GLI3: variants seen among roughly 807,000 people sequenced by gnomAD.
GLI3 encodes the protein GLI family zinc finger 3.
In GLI3, 20 loss-of-function variants were observed where a neutral mutation model predicts 100.8. The observed-to-expected ratio is 0.20, with a 90% CI of 0.14 to 0.29. The LOEUF (loss-of-function observed/expected upper bound fraction) is 0.29, where lower values mean the gene tolerates loss of function less well. Ranked by LOEUF, GLI3 falls within the 10% of genes least tolerant of loss-of-function variation. The pLI, the probability that GLI3 is intolerant of heterozygous loss-of-function variation, is 1.00. For missense variants in GLI3, 2,040 were observed against 2,128.5 expected (o/e 0.96, Z 0.82); for synonymous variants, 938 against 860.5 (o/e 1.09, Z -1.58).
chr7:42,074,503 C>T (rs1026550652), intron 4 of GLI3, among the ~76,000 whole-genome samples: 4 of 152,182 alleles, frequency 2.6e-5, no homozygotes, highest in African/African-American at 4.8e-5. Flanking sequence ...AAGCTACATG[C>T]GAGTCTCTGG....
At chr7:42,224,757 G>C (rs147511639) in intron 1 of GLI3, among the ~76,000 whole-genome samples, 3 of 152,322 alleles carry the variant, frequency 2.0e-5, no homozygotes, top group African/African-American at 4.8e-5. Flanking sequence ...GCCACCGTGC[G>C]TGAGTCCCAA....
At chr7:42,207,741 GA>G (rs1296809436) in intron 2 of GLI3, among the ~76,000 whole-genome samples, 4 of 152,214 alleles carry the variant, frequency 2.6e-5, no homozygotes, top group African/African-American at 9.6e-5. Context: ...TGAACAGAGA[GA>G]AAGACTGAAA....
At chr7:42,019,915 C>T (rs1788888359) in intron 10 of GLI3, among the ~76,000 whole-genome samples, 1 of 152,088 alleles carries the variant, frequency 6.6e-6, no homozygotes, top group South Asian at 2.1e-4. Flanking sequence ...ACACACCTAT[C>T]TTCTTAGCTT....
rs901633216 is a variant in GLI3 at position 41,967,879 on chromosome 7, T to C, written c.2148A>G (p.Gln716=). Residue 716 remains glutamine, a synonymous_variant, in exon 14 of 15, where the codon CAA becomes CAG. Coordinates refer to ENST00000395925, the MANE Select transcript of GLI3 (RefSeq NM_000168.6). Reference sequence around the variant, plus strand: ...TGGAATAGTTGCTGATGGGGGACTGTTGGCTGCTGCATGAAGACTGACCAC... The same window carrying C: ...TGGAATAGTTGCTGATGGGGGACTGCTGGCTGCTGCATGAAGACTGACCAC... ...SPGGQSSCSS[Q]QSPISNYSNS... 6.2e-7 allele frequency: 1 copy of C among 1,613,974 alleles called. No individual in the cohort carries two copies. Among genetic ancestry groups the C allele is most frequent in the African/African-American group, 1.3e-5 (1 of 74,898 alleles).
At chr7:42,099,749 C>A (rs1785418735) in intron 3 of GLI3, among the ~76,000 whole-genome samples, 1 of 152,160 alleles carries the variant, frequency 6.6e-6, no homozygotes, top group Non-Finnish European at 1.5e-5. Flanking sequence ...CAGGCTGGTC[C>A]CGTACTTGTG....
chr7:42,117,314 C>T (rs1009184841), intron 3 of GLI3, among the ~76,000 whole-genome samples: 2 of 152,172 alleles, frequency 1.3e-5, no homozygotes, highest in East Asian at 1.9e-4. Context: ...CGTTTTCATT[C>T]GCACCACCTA....
At chr7:42,219,438 A>G (rs1388778937) in intron 2 of GLI3, among the ~76,000 whole-genome samples, 19 of 151,532 alleles carry the variant, frequency 1.3e-4, no homozygotes, top group Admixed American at 1.0e-3. Context: ...TTTTTTTGTC[A>G]TACAAGATCT....
At chr7:42,144,446 C>T (rs1786652449) in intron 3 of GLI3, among the ~76,000 whole-genome samples, 1 of 152,178 alleles carries the variant, frequency 6.6e-6, no homozygotes, top group African/African-American at 2.4e-5. Flanking sequence ...TGCGACCCTT[C>T]ATGAGAGAAT....
upstream of GLI3, among the ~76,000 whole-genome samples, chr7:42,240,603 T>C (rs1356935394): frequency 6.6e-6 from 1 of 152,162 alleles, no homozygotes; most frequent in African/African-American, 2.4e-5. Context: ...CATATGGCAT[T>C]CTCCCTTTGT....
intron 2 of GLI3, among the ~76,000 whole-genome samples, chr7:42,196,630 C>A (rs191060659): frequency 1.3e-5 from 2 of 152,286 alleles, no homozygotes; most frequent in Admixed American, 1.3e-4. Flanking sequence ...TATCTTAGTT[C>A]CACCTTATGA....
chr7:42,034,198 T>C (rs894657789), intron 7 of GLI3, among the ~76,000 whole-genome samples: 1 of 152,212 alleles, frequency 6.6e-6, no homozygotes, highest in African/African-American at 2.4e-5. Context: ...ATTTCTATTA[T>C]AAATAGCATT....
At chr7:42,054,216 A>C (rs1279658962) in intron 4 of GLI3, among the ~76,000 whole-genome samples, 5 of 152,240 alleles carry the variant, frequency 3.3e-5, no homozygotes, top group African/African-American at 1.2e-4. Context: ...TTAACAGTAC[A>C]CCATGAGAAA....
At chr7:42,009,353 A>C (rs982697322) in intron 10 of GLI3, among the ~76,000 whole-genome samples, 5 of 152,150 alleles carry the variant, frequency 3.3e-5, no homozygotes, top group Non-Finnish European at 5.9e-5. Context: ...CGTTTATGAT[A>C]ATAAAAATAG....
chr7:42,160,528 C>T (rs1283675395), intron 2 of GLI3, among the ~76,000 whole-genome samples: 3 of 152,230 alleles, frequency 2.0e-5, no homozygotes, highest in Non-Finnish European at 4.4e-5. Flanking sequence ...CAGCCCCTCA[C>T]ATGAGATCAG....
chr7:42,261,781 T>C (rs73098323), intron 1 of GLI3, among the ~76,000 whole-genome samples: 1,818 of 152,244 alleles, frequency 0.012, 17 homozygotes, highest in Non-Finnish European at 0.02. Flanking sequence ...TCTTTAAAGA[T>C]AGAGATTTAA....
intron 4 of GLI3, among the ~76,000 whole-genome samples, chr7:42,049,535 G>A (rs766023270): frequency 2.6e-5 from 4 of 152,314 alleles, no homozygotes; most frequent in East Asian, 1.9e-4. Context: ...AAGCCCTTGC[G>A]TCGGTTATAA....
intron 10 of GLI3, among the ~76,000 whole-genome samples, chr7:42,001,863 T>A (rs901530605): frequency 9.9e-5 from 15 of 152,240 alleles, no homozygotes; most frequent in Non-Finnish European, 1.9e-4. Context: ...GGTAAAAAAA[T>A]TTTTAAATTA....
chr7:42,053,095 A>T (rs1784384911), intron 4 of GLI3, among the ~76,000 whole-genome samples: 1 of 152,184 alleles, frequency 6.6e-6, no homozygotes, highest in African/African-American at 2.4e-5. Context: ...TCCAGGGTTC[A>T]AGCGATTCTC....
At chr7:42,209,059 T>A (rs948372781) in intron 2 of GLI3, among the ~76,000 whole-genome samples, 26 of 152,240 alleles carry the variant, frequency 1.7e-4, no homozygotes, top group South Asian at 4.2e-4. Flanking sequence ...ATTTTTTTTT[T>A]AATTTTTATT....
Sources: allele counts gnomAD v4.1 joint callset (sites outside exome capture counted in the v4.1 genomes callset), GRCh38; gene constraint gnomAD v4.1.1; transcripts MANE v1.5; gene names NCBI Gene and HGNC (gene_info 2026-07-23, HGNC 2026-07-21).